The following MCU variants were observed in gnomAD, a reference collection of about 807,000 sequenced individuals.
MCU encodes the protein calcium uniporter protein, mitochondrial.
Under a neutral mutation model 45.2 loss-of-function variants are expected in MCU, and 12 were observed. The ratio of observed to expected loss-of-function variants is 0.27; its 90% CI spans 0.17 to 0.43. The LOEUF (loss-of-function observed/expected upper bound fraction) is 0.43. Ranked by LOEUF, MCU falls within the 20% of genes least tolerant of loss-of-function variation. The probability of loss-of-function intolerance (pLI) is 1.00; values close to 1 mark genes in which losing one functional copy is unlikely to be tolerated. For missense variants in MCU, 324 were observed against 436.7 expected (o/e 0.74, Z 2.30); for synonymous variants, 160 against 165.1 (o/e 0.97, Z 0.24).
At chr10:72,756,091 A>G (rs1342816224) in intron 1 of MCU, among the ~76,000 whole-genome samples, 1 of 152,004 alleles carries the variant, frequency 6.6e-6, no homozygotes, top group African/African-American at 2.4e-5. Context: ...TCTCAAGTGG[A>G]TCCACCCACC....
intron 1 of MCU, among the ~76,000 whole-genome samples, chr10:72,707,965 C>T (rs79398763): frequency 2.3e-3 from 349 of 152,010 alleles, no homozygotes; most frequent in African/African-American, 8.2e-3. Context: ...CGTACCACCA[C>T]GTTCAGTTCA....
At chr10:72,804,371 G>T (rs950678306) in intron 1 of MCU, among the ~76,000 whole-genome samples, 1 of 151,910 alleles carries the variant, frequency 6.6e-6, no homozygotes, top group African/African-American at 2.4e-5. Context: ...TTACAGAAGT[G>T]AGCCATCACG....
intron 1 of MCU, among the ~76,000 whole-genome samples, chr10:72,822,069 A>T (rs937306072): frequency 1.3e-5 from 2 of 152,114 alleles, no homozygotes; most frequent in Admixed American, 6.5e-5. Context: ...TGAGGTCAGG[A>T]GTTCAAGACC....
At chr10:72,829,692 A>T (rs1247140368) in intron 1 of MCU, among the ~76,000 whole-genome samples, 1 of 152,076 alleles carries the variant, frequency 6.6e-6, no homozygotes, top group Non-Finnish European at 1.5e-5. Context: ...TAAAAATACA[A>T]AATTTAAACC....
chr10:72,825,826 A>T (rs1844789701), intron 1 of MCU, among the ~76,000 whole-genome samples: 1 of 152,172 alleles, frequency 6.6e-6, no homozygotes, highest in Admixed American at 6.5e-5. Flanking sequence ...AGACTTTCAG[A>T]GTTGGAAGGG....
At chr10:72,702,992 A>AG in intron 1 of MCU, among the ~76,000 whole-genome samples, 1 of 152,178 alleles carries the variant, frequency 6.6e-6, no homozygotes, top group Admixed American at 6.5e-5. Context: ...AAAAGAAAAA[A>AG]AAAAAAAAAG....
chr10:72,705,232 A>G (rs759524741), intron 1 of MCU, among the ~76,000 whole-genome samples: 1 of 152,158 alleles, frequency 6.6e-6, no homozygotes, highest in East Asian at 1.9e-4. Context: ...CAGGTTTGTT[A>G]TATAGGTATA....
At chr10:72,700,903 T>C (rs1842751234) in intron 1 of MCU, among the ~76,000 whole-genome samples, 1 of 152,232 alleles carries the variant, frequency 6.6e-6, no homozygotes, top group Non-Finnish European at 1.5e-5. Flanking sequence ...GGAGTGTTTG[T>C]AATAATCATC....
chr10:72,700,284 C>T (rs1842744277), intron 1 of MCU, among the ~76,000 whole-genome samples: 1 of 151,908 alleles, frequency 6.6e-6, no homozygotes, highest in South Asian at 2.1e-4. Context: ...TGGTCTTGAA[C>T]TCCTGGCCTC....
intron 1 of MCU, among the ~76,000 whole-genome samples, chr10:72,699,233 G>A (rs1009453809): frequency 1.3e-4 from 20 of 152,088 alleles, no homozygotes; most frequent in Non-Finnish European, 2.9e-4. Flanking sequence ...TTTGCCAGCC[G>A]TAGTGGCTCA....
intron 6 of MCU, among the ~76,000 whole-genome samples, chr10:72,877,164 TC>T (rs1845630659): frequency 6.6e-6 from 1 of 152,026 alleles, no homozygotes; most frequent in African/African-American, 2.4e-5. Flanking sequence ...CCAGTGATCC[TC>T]CGCCTCAGCC....
intron 4 of MCU, among the ~76,000 whole-genome samples, chr10:72,866,665 G>T (rs1030317522): frequency 1.3e-5 from 2 of 152,282 alleles, no homozygotes; most frequent in African/African-American, 4.8e-5. Flanking sequence ...AAAGTGCTGG[G>T]ATTACAGGCC....
chr10:72,833,761 C>T (rs749590335), intron 1 of MCU, among the ~76,000 whole-genome samples: 1 of 152,152 alleles, frequency 6.6e-6, no homozygotes, highest in South Asian at 2.1e-4. Context: ...GATTGCTCTT[C>T]GAGGAAGTAG....
intron 2 of MCU, among the ~76,000 whole-genome samples, chr10:72,848,183 G>A (rs188424415): frequency 6.6e-6 from 1 of 152,216 alleles, no homozygotes; most frequent in East Asian, 1.9e-4. Context: ...TGCATTTTTT[G>A]ACTTACAGTG....
In MCU at chr10:72,869,575, G is replaced by A. The variant is rs183899602; in HGVS notation, c.657+712G>A. Among the ~76,000 whole-genome samples the A allele has an allele frequency of 5.6e-3, 858 of 152,226 alleles. 7 individuals are homozygous for A. The highest frequency in any genetic ancestry group is 0.019 in the African/African-American group (804 of 41,516). On this transcript the variant is annotated intron_variant, in intron 5 of 7. Transcript: ENST00000373053. ...TGCACTCCAGCCTGGACGACAGAGC[G>A]AGACTGTCTCAAAAACAAACAAACA...
chr10:72,828,183 G>T (rs1844825504), intron 1 of MCU, among the ~76,000 whole-genome samples: 1 of 152,066 alleles, frequency 6.6e-6, no homozygotes, highest in African/African-American at 2.4e-5. Flanking sequence ...TTATTGAAAG[G>T]GGTTCATTTT....
rs147670367 is a variant in MCU at position 72,830,817 on chromosome 10, T to C, written c.151-3542T>C. ...AGGTGTGTGGGGAAACCCTGAGGAA[T>C]GACACCTGTGGTCGCAGATCCCCAA... On this transcript the variant is annotated intron_variant, in intron 1 of 7. Transcript: ENST00000373053. Among the ~76,000 whole-genome samples the C allele has an allele frequency of 5.9e-3, 902 of 152,292 alleles. 11 individuals carry two copies. The highest frequency in any genetic ancestry group is 0.02 in the African/African-American group (851 of 41,564).
chr10:72,800,901 C>T (rs1478669360), intron 1 of MCU, among the ~76,000 whole-genome samples: 4 of 152,082 alleles, frequency 2.6e-5, no homozygotes, highest in African/African-American at 9.7e-5. Context: ...AAGTTCGAGA[C>T]CAGCCTGGGC....
intron 1 of MCU, among the ~76,000 whole-genome samples, chr10:72,787,404 G>C (rs1050418087): frequency 2.0e-5 from 3 of 152,162 alleles, no homozygotes; most frequent in African/African-American, 7.2e-5. Flanking sequence ...GAGTAGCTGG[G>C]ATTACAGGTG....
Sources: gnomAD v4.1 joint callset for allele counts (sites outside exome capture counted in the v4.1 genomes callset) on GRCh38, gnomAD v4.1.1 for gene constraint, MANE v1.5 for transcripts, NCBI Gene and HGNC (gene_info 2026-07-23, HGNC 2026-07-21) for gene names.